Variants in WWOX observed in about 807,000 individuals in gnomAD.
WWOX encodes WW domain containing oxidoreductase.
A neutral mutation model predicts 46.2 loss-of-function variants in WWOX; 69 were observed. That is an observed-to-expected ratio of 1.49 (90% confidence interval 1.23 to 1.82). The LOEUF is 1.82. Among genes scored for constraint, WWOX ranks in the 40% most tolerant of loss-of-function variants. WWOX has a pLI of 0.00. For synonymous variants in WWOX, 359 were observed against 202.6 expected, an observed-to-expected ratio of 1.77 and a Z score of -6.56; for missense variants, 919 against 542.6, an observed-to-expected ratio of 1.69 and a Z score of -6.89.
intron 8 of WWOX, among the ~76,000 whole-genome samples, chr16:78,547,404 T>C (rs565122712): frequency 6.6e-6 from 1 of 152,280 alleles, no homozygotes; most frequent in Admixed American, 6.5e-5. Context: ...CGACACAGCA[T>C]GCACCCAAAT....
chr16:79,050,577 C>T (rs1313620302), intron 8 of WWOX, among the ~76,000 whole-genome samples: 1 of 152,278 alleles, frequency 6.6e-6, no homozygotes, highest in East Asian at 1.9e-4. Flanking sequence ...GGCATGGATC[C>T]AGAGAGGAGG....
rs115348168 is a variant in WWOX at position 79,164,333 on chromosome 16, G to C, written c.1057-47275G>C. 8.0e-3 allele frequency among the ~76,000 whole-genome samples: 1,214 copies of C among 152,198 alleles called. 19 individuals are homozygous for C. The highest frequency in any genetic ancestry group is 0.028 in the African/African-American group (1,161 of 41,510). The stretch of plus-strand genomic sequence containing the variant: ...GTTAACCAGTTAAAACGGGGAGATG[G>C]CCATGATTGCTTTTAGATTGCCACT... On this transcript the variant is annotated intron_variant, in intron 8 of 8. Coordinates refer to ENST00000566780, the MANE Select transcript of WWOX (RefSeq NM_016373.4).
At chr16:78,258,570 G>A (rs1005893040) in intron 5 of WWOX, among the ~76,000 whole-genome samples, 1 of 151,972 alleles carries the variant, frequency 6.6e-6, no homozygotes, top group East Asian at 1.9e-4. Flanking sequence ...CAGTTCCATG[G>A]AATTCCTAGG....
At chr16:79,087,024 G>A (rs1006697523) in intron 8 of WWOX, among the ~76,000 whole-genome samples, 2 of 152,210 alleles carry the variant, frequency 1.3e-5, no homozygotes, top group African/African-American at 4.8e-5. Context: ...AGATACCTGG[G>A]GGTCCCCATC....
At chr16:78,232,609 A>T (rs1320705536) in intron 5 of WWOX, among the ~76,000 whole-genome samples, 1 of 152,190 alleles carries the variant, frequency 6.6e-6, no homozygotes, top group African/African-American at 2.4e-5. Flanking sequence ...TTAAAATCTG[A>T]GGAATTTGGA....
chr16:78,397,900 A>G (rs1382249183), intron 6 of WWOX, among the ~76,000 whole-genome samples: 1 of 152,184 alleles, frequency 6.6e-6, no homozygotes, highest in Non-Finnish European at 1.5e-5. Flanking sequence ...GTCAGAAGAG[A>G]TTCTCGTCCG....
intron 8 of WWOX, among the ~76,000 whole-genome samples, chr16:78,452,200 T>A (rs1025296782): frequency 6.6e-6 from 1 of 152,222 alleles, no homozygotes; most frequent in Non-Finnish European, 1.5e-5. Context: ...AGTTCGGACA[T>A]ATTTCTTGGA....
intron 6 of WWOX, among the ~76,000 whole-genome samples, chr16:78,398,736 ATCTT>A (rs2082345292): frequency 6.6e-6 from 1 of 152,204 alleles, no homozygotes; most frequent in Non-Finnish European, 1.5e-5. Context: ...AAATTCCTTA[ATCTT>A]TCTAATTCTT....
intron 8 of WWOX, among the ~76,000 whole-genome samples, chr16:78,539,865 G>C (rs566357347): frequency 6.6e-6 from 1 of 152,074 alleles, no homozygotes; most frequent in Non-Finnish European, 1.5e-5. Context: ...CCTCTATTGG[G>C]AAATTTACTC....
rs146143970 is a variant in WWOX at position 78,539,989 on chromosome 16, C to G, written c.1056+107237C>G. Among the ~76,000 whole-genome samples, 222 of 135,810 alleles carry G rather than the reference C, an allele frequency of 1.6e-3. 1 individual carries two copies. Among genetic ancestry groups the G allele is most frequent in the African/African-American group, 5.7e-3 (205 of 35,822 alleles). The allele number at this position is 135,810 out of a possible 152,430, so 89.1% of individuals were successfully genotyped here. On this transcript the variant is annotated intron_variant, in intron 8 of 8. Transcript: ENST00000566780. Reference sequence around the variant, plus strand: ...TAGCTCCCCTTTCCAATACATCTCTCTCTCTCTTTCTCTCTCTCTCTCTCT... The same window carrying G: ...TAGCTCCCCTTTCCAATACATCTCTGTCTCTCTTTCTCTCTCTCTCTCTCT...
intron 5 of WWOX, among the ~76,000 whole-genome samples, chr16:78,284,513 C>T (rs932894902): frequency 6.6e-6 from 1 of 152,102 alleles, no homozygotes. Flanking sequence ...GATGAACCAT[C>T]GTTTCAAATG....
intron 8 of WWOX, among the ~76,000 whole-genome samples, chr16:78,978,270 T>G (rs748287750): frequency 5.3e-5 from 8 of 152,230 alleles, no homozygotes; most frequent in Non-Finnish European, 1.2e-4. Flanking sequence ...ATTTCCACCT[T>G]TTTGCTCTTG....
intron 8 of WWOX, among the ~76,000 whole-genome samples, chr16:78,858,144 TTG>T (rs59637371): frequency 0.013 from 1,932 of 148,614 alleles, 21 homozygotes; most frequent in African/African-American, 0.033. Flanking sequence ...CATTGTGTGT[TTG>T]TGTGTGTGTG....
At chr16:78,840,987 C>A (rs1014462571) in intron 8 of WWOX, among the ~76,000 whole-genome samples, 3 of 152,050 alleles carry the variant, frequency 2.0e-5, no homozygotes, top group Admixed American at 2.0e-4. Flanking sequence ...GCCTTTGGCA[C>A]TTAGCAGGTG....
chr16:78,269,626 A>G (rs2079435804), intron 5 of WWOX, among the ~76,000 whole-genome samples: 1 of 152,240 alleles, frequency 6.6e-6, no homozygotes, highest in Non-Finnish European at 1.5e-5. Flanking sequence ...AGCCAACTTC[A>G]AACCTGTTTG....
intron 8 of WWOX, among the ~76,000 whole-genome samples, chr16:78,588,968 C>A (rs2045287842): frequency 6.6e-6 from 1 of 152,158 alleles, no homozygotes; most frequent in Non-Finnish European, 1.5e-5. Context: ...AGCAGCCACT[C>A]TCCAAAGCCT....
intron 4 of WWOX, among the ~76,000 whole-genome samples, chr16:78,147,426 T>G (rs1175857169): frequency 1.3e-5 from 2 of 152,104 alleles, no homozygotes; most frequent in East Asian, 3.9e-4. Flanking sequence ...AGCCTGAATT[T>G]AAGTCATATT....
chr16:78,704,534 C>T (rs1053007092), intron 8 of WWOX, among the ~76,000 whole-genome samples: 1 of 152,144 alleles, frequency 6.6e-6, no homozygotes, highest in East Asian at 1.9e-4. Context: ...GTATCTGTTG[C>T]AGCTCTCCAT....
At chr16:78,154,519 C>T (rs1457661428) in intron 4 of WWOX, among the ~76,000 whole-genome samples, 1 of 131,526 alleles carries the variant, frequency 7.6e-6, no homozygotes, top group African/African-American at 2.9e-5. Context: ...TTGCCAAGCA[C>T]CCTGCCTTTT....
Sources: allele counts gnomAD v4.1 joint callset (sites outside exome capture counted in the v4.1 genomes callset), GRCh38; gene constraint gnomAD v4.1.1; transcripts MANE v1.5; gene names NCBI Gene and HGNC (gene_info 2026-07-23, HGNC 2026-07-21).